The following MGAM variants were observed in gnomAD, a reference collection of about 807,000 sequenced individuals.
MGAM encodes the protein alpha-1,4-glucosidase.
In MGAM, 253 loss-of-function variants were observed where a neutral mutation model predicts 358.8. The ratio of observed to expected loss-of-function variants is 0.71; its 90% CI spans 0.64 to 0.78. The LOEUF (loss-of-function observed/expected upper bound fraction) is 0.78, where lower values mean the gene tolerates loss of function less well. Among genes scored for constraint, MGAM ranks in the 30% least tolerant of loss-of-function variants. The probability of loss-of-function intolerance (pLI) is 0.00; values close to 1 mark genes in which losing one functional copy is unlikely to be tolerated. For missense variants in MGAM, 3,080 were observed against 3,432.6 expected (o/e 0.90, Z 2.57); for synonymous variants, 1,105 against 1,227.1 (o/e 0.90, Z 2.08).
At chr7:142,041,368 T>A (rs1407282562) in intron 21 of MGAM, among the ~76,000 whole-genome samples, 2 of 152,112 alleles carry the variant, frequency 1.3e-5, no homozygotes, top group East Asian at 1.9e-4. Context: ...ACCTGTCTTT[T>A]CTTTTGAACC....
intron 19 of MGAM, among the ~76,000 whole-genome samples, chr7:142,039,177 C>T (rs1420672205): frequency 6.7e-6 from 1 of 148,928 alleles, no homozygotes; most frequent in East Asian, 2.0e-4. Context: ...ACAATCCCAG[C>T]TCACTGCAAC....
At chr7:142,081,565 G>A (rs114210125) in intron 50 of MGAM, among the ~76,000 whole-genome samples, 2 of 146,012 alleles carry the variant, frequency 1.4e-5, no homozygotes, top group South Asian at 4.4e-4. Context: ...AAGTAAGCAG[G>A]TGAGTGCTGG....
intron 1 of MGAM, among the ~76,000 whole-genome samples, chr7:142,002,341 G>A (rs1804797123): frequency 6.6e-6 from 1 of 151,956 alleles, no homozygotes; most frequent in Non-Finnish European, 1.5e-5. Flanking sequence ...CTAACAAACT[G>A]AATCCAACAG....
chr7:142,037,012 G>A (rs782625633), intron 18 of MGAM, 35 bp downstream of exon 18: 12 of 1,589,664 alleles, frequency 7.5e-6, no homozygotes, highest in African/African-American at 1.3e-5. Context: ...TTTTATTAAT[G>A]CATCTGGAAT....
At chr7:142,093,338 C>G in intron 59 of MGAM, 74 bp from the exon 60 acceptor site, 1 of 1,456,466 alleles carries the variant, frequency 6.9e-7, no homozygotes, top group South Asian at 1.2e-5. Context: ...GATCCAGGGC[C>G]CAGTCCCTTG....
rs1173316207 is a variant in MGAM at position 142,089,651 on chromosome 7, C to T, written c.6811-2262C>T. On this transcript the variant is annotated intron_variant, in intron 57 of 70. Coordinates refer to ENST00000475668, the MANE Select transcript of MGAM (RefSeq NM_001365693.1). Reference sequence around the variant, plus strand: ...ACTAAAAATACAAAAGTTAGCCAGGCGTGGTGGCACGCGCCTGTAATCCCA... The same window carrying T: ...ACTAAAAATACAAAAGTTAGCCAGGTGTGGTGGCACGCGCCTGTAATCCCA... Among the ~76,000 whole-genome samples the T allele has an allele frequency of 8.3e-5, 12 of 145,190 alleles. 1 individual carries two copies. The highest frequency in any genetic ancestry group is 1.7e-4 in the Non-Finnish European group (11 of 64,120).
chr7:142,040,257 C>A, intron 20 of MGAM, 86 bp downstream of exon 20: 2 of 1,068,420 alleles, frequency 1.9e-6, no homozygotes, highest in Non-Finnish European at 2.8e-6. Flanking sequence ...GAGAAACATC[C>A]ATCTACATGC....
rs768649204 is a variant in MGAM at position 142,085,902 on chromosome 7, G to A, written c.6577G>A (p.Gly2193Arg). 10 of 1,566,112 alleles carry A rather than the reference G, an allele frequency of 6.4e-6. 1 individual carries two copies. The highest frequency in any genetic ancestry group is 3.4e-5 in the Admixed American group (2 of 58,578). Residue 2193 changes from glycine (G) to arginine (R), a missense_variant, in exon 55 of 71, where the codon GGG (glycine) becomes AGG (arginine). Coordinates refer to ENST00000475668, the MANE Select transcript of MGAM (RefSeq NM_001365693.1). ...LDFTLSPKFA[G>R]FPALINRMKA... is the part of the protein sequence containing the mutation. ...CTTCACCCTCAGCCCCAAGTTTGCC[G>A]GGTTTCCAGCTCTGATCAATCGCAT... is the stretch of plus-strand genomic sequence containing the variant.
In MGAM at chr7:142,085,944, C is replaced by T. The variant is rs762414046; in HGVS notation, c.6619C>T (p.Arg2207Trp). Residue 2207 changes from arginine (R) to tryptophan (W), a missense_variant, in exon 55 of 71, where the codon CGG (arginine) becomes TGG (tryptophan). Arg to Trp is a moderately radical substitution (Grantham distance 101, BLOSUM62 -3). Transcript: ENST00000475668. ...CAATCGCATGAAGGCTGATGGGATG[C>T]GGGTCATCCTCATTCTGGTTAGTCC... is the stretch of plus-strand genomic sequence containing the variant. ...LINRMKADGM[R>W]VILILDPAIS... 22 of 1,565,664 alleles carry T rather than the reference C, an allele frequency of 1.4e-5. 2 individuals carry two copies. The highest frequency in any genetic ancestry group is 6.7e-5 in the African/African-American group (5 of 74,518).
intron 3 of MGAM, among the ~76,000 whole-genome samples, chr7:142,015,619 T>G (rs1231381512): frequency 6.6e-6 from 1 of 152,098 alleles, no homozygotes; most frequent in Non-Finnish European, 1.5e-5. Flanking sequence ...ATGGATGATT[T>G]GGCTTCATTG....
At chr7:141,986,544 T>G (rs1343623206) in intron 2 of MGAM, among the ~76,000 whole-genome samples, 4 of 151,648 alleles carry the variant, frequency 2.6e-5, no homozygotes, top group Non-Finnish European at 5.9e-5. Context: ...TGTAAGACAT[T>G]GTTTGTGAAT....
intron 26 of MGAM, 143 bp downstream of exon 26, chr7:142,053,127 T>C: frequency 1.0e-6 from 1 of 992,556 alleles, no homozygotes; most frequent in Non-Finnish European, 1.5e-6. Flanking sequence ...GAGAAATCAT[T>C]GAGGGAACAA....
In MGAM at chr7:142,076,881, T is replaced by A; in HGVS notation, c.5493+55T>A. The A allele has an allele frequency of 1.3e-6, 2 of 1,506,524 alleles. 1 individual carries two copies. Among genetic ancestry groups the A allele is most frequent in the Non-Finnish European group, 1.8e-6 (2 of 1,093,260 alleles). 93.3% of individuals were successfully genotyped at this position (1,506,524 alleles called of 1,614,324 possible). On this transcript the variant is annotated intron_variant, in intron 47 of 70. Coordinates refer to ENST00000475668, the MANE Select transcript of MGAM (RefSeq NM_001365693.1). ...TTGAGAATTCTCCATAGCACCATGA[T>A]GTTTCTTCTTGCCAAGTTTGCATGG...
chr7:142,047,673 A>G (rs1810517077), intron 21 of MGAM, 112 bp from the exon 22 acceptor site: 1 of 958,726 alleles, frequency 1.0e-6, no homozygotes, highest in Middle Eastern at 2.1e-4. Flanking sequence ...GAAAAGCAGA[A>G]CCATCTGCTG....
chr7:142,010,734 G>C (rs1035308167), intron 3 of MGAM, among the ~76,000 whole-genome samples: 2 of 152,086 alleles, frequency 1.3e-5, no homozygotes, highest in Non-Finnish European at 2.9e-5. Flanking sequence ...TGTACGTTGA[G>C]CCAAGTTCAA....
intron 50 of MGAM, among the ~76,000 whole-genome samples, chr7:142,081,696 G>A (rs1814307145): frequency 6.9e-6 from 1 of 145,644 alleles, no homozygotes; most frequent in African/African-American, 2.4e-5. Context: ...GATCCTCGTA[G>A]GAATATCGCT....
At chr7:142,086,406 T>C (rs958442209) in intron 56 of MGAM, 78 bp downstream of exon 56, 4 of 1,222,050 alleles carry the variant, frequency 3.3e-6, no homozygotes, top group Admixed American at 2.6e-5. Context: ...CCTGTGTATG[T>C]TATTTTTGGC....
At position 142,060,932 on chromosome 7, in the gene MGAM, T is replaced by C. The variant is rs1349644070; in HGVS notation, c.4122+559T>C. ...TGCTTTTACCTGTCAGTTTCCAGCC[T>C]TATTGTAAAACTTGCTCTCTCCTGG... On this transcript the variant is annotated intron_variant, in intron 34 of 70. Transcript: ENST00000475668. Among the ~76,000 whole-genome samples the C allele has an allele frequency of 2.6e-5, 4 of 152,304 alleles. No homozygotes were observed. In the East Asian group the frequency reaches 5.8e-4, roughly 22 times the overall value.
rs1478443547 is a variant in MGAM at position 142,090,655 on chromosome 7, C to CT, written c.6811-1258_6811-1257insT. Among the ~76,000 whole-genome samples, 31 of 146,006 alleles carry CT rather than the reference C, an allele frequency of 2.1e-4. 1 individual carries two copies. The highest frequency in any genetic ancestry group is 6.1e-4 in the African/African-American group (25 of 41,142). On this transcript the variant is annotated intron_variant, in intron 57 of 70. Coordinates refer to ENST00000475668, the MANE Select transcript of MGAM (RefSeq NM_001365693.1). ...ATTGTGTGTAAGAACTGGAGTTCCC[C>CT]AGACCAAGTCCTCATTCTGTTGCCT...
Sources: allele counts gnomAD v4.1 joint callset (sites outside exome capture counted in the v4.1 genomes callset), GRCh38; gene constraint gnomAD v4.1.1; transcripts MANE v1.5; gene names NCBI Gene and HGNC (gene_info 2026-07-23, HGNC 2026-07-21).